COMMD1: variants seen among roughly 807,000 people sequenced by gnomAD.
The protein encoded by COMMD1 is COMM domain-containing protein 1.
COMMD1 carries 10 observed loss-of-function variants against 17.2 expected under a neutral mutation model. That is an observed-to-expected ratio of 0.58 (90% confidence interval 0.36 to 0.99). The LOEUF is 0.99. Among genes scored for constraint, COMMD1 ranks in the 50% least tolerant of loss-of-function variants. COMMD1 has a pLI of 0.01. For synonymous variants in COMMD1, 97 were observed against 91.6 expected (o/e 1.06, Z -0.34); for missense variants, 270 against 231.8 (o/e 1.17, Z -1.07).
intron 2 of COMMD1, among the ~76,000 whole-genome samples, chr2:62,077,472 A>G (rs1671377896): frequency 6.6e-6 from 1 of 152,154 alleles, no homozygotes; most frequent in Non-Finnish European, 1.5e-5. Context: ...AGAGTCTGCC[A>G]ACCAAACAGC....
intron 1 of COMMD1, among the ~76,000 whole-genome samples, chr2:61,941,481 T>C (rs1319256046): frequency 2.0e-5 from 3 of 152,182 alleles, no homozygotes; most frequent in Non-Finnish European, 4.4e-5. Context: ...TATGGACATA[T>C]TAGGTAGGAG....
intron 1 of COMMD1, among the ~76,000 whole-genome samples, chr2:61,999,654 C>T (rs1412542691): frequency 2.0e-5 from 3 of 151,970 alleles, no homozygotes; most frequent in Admixed American, 1.3e-4. Context: ...GACTCGAACT[C>T]CTGGGCTCCA....
chr2:61,900,278 A>G (rs1049061459), intron 1 of COMMD1, among the ~76,000 whole-genome samples: 1 of 152,250 alleles, frequency 6.6e-6, no homozygotes, highest in African/African-American at 2.4e-5. Flanking sequence ...AAGTCAGGAT[A>G]TGCTGAAGTG....
chr2:62,133,894 C>T (rs1174919605), intron 2 of COMMD1, among the ~76,000 whole-genome samples: 1 of 152,146 alleles, frequency 6.6e-6, no homozygotes, highest in Non-Finnish European at 1.5e-5. Flanking sequence ...TGGGTTCAAG[C>T]AATCCTCCCA....
At chr2:61,989,121 G>T (rs1293572514) in intron 1 of COMMD1, among the ~76,000 whole-genome samples, 1 of 152,120 alleles carries the variant, frequency 6.6e-6, no homozygotes, top group African/African-American at 2.4e-5. Flanking sequence ...CTGATTTTTG[G>T]TTCTTGTGAA....
chr2:61,906,000 G>A lies in COMMD1; in HGVS notation c.180+142G>A. Reference sequence around the variant, plus strand: ...ACCTCCACTCCGTGGGCTCCACATCGGGCTCCTTCAGATTTGCTCGTTCTG... The same window carrying A: ...ACCTCCACTCCGTGGGCTCCACATCAGGCTCCTTCAGATTTGCTCGTTCTG... On this transcript the variant is annotated intron_variant, in intron 1 of 2. Coordinates refer to ENST00000311832, the MANE Select transcript of COMMD1 (RefSeq NM_152516.4). 3.7e-6 allele frequency: 3 copies of A among 804,578 alleles called. 1 individual carries two copies. Among genetic ancestry groups the A allele is most frequent in the East Asian group, 5.3e-5 (2 of 37,674 alleles). The allele number at this position is 804,578 out of a possible 1,614,324, so 49.8% of individuals were successfully genotyped here.
At chr2:61,983,806 A>G (rs2103759485) in intron 1 of COMMD1, among the ~76,000 whole-genome samples, 1 of 152,170 alleles carries the variant, frequency 6.6e-6, no homozygotes, top group African/African-American at 2.4e-5. Context: ...GATCTTTGGT[A>G]TAGTTTTCTA....
chr2:61,888,468 C>A, upstream of COMMD1: 1 of 1,611,998 alleles, frequency 6.2e-7, no homozygotes, highest in Non-Finnish European at 8.5e-7. Context: ...CCGGCAGCCC[C>A]GGCAGTCGCC....
intron 1 of COMMD1, among the ~76,000 whole-genome samples, chr2:61,968,248 C>T (rs570730480): frequency 2.2e-4 from 34 of 152,176 alleles, no homozygotes; most frequent in African/African-American, 7.9e-4. Flanking sequence ...AAGGTTGAAC[C>T]ATTTGAAATT....
At chr2:62,014,542 C>CTTTTTTTTTTTTTT (rs67886279) in intron 2 of COMMD1, among the ~76,000 whole-genome samples, 8 of 63,568 alleles carry the variant, frequency 1.3e-4, no homozygotes, top group African/African-American at 3.6e-4. Context: ...CCATTTTAAC[C>CTTTTTTTTTTTTTT]TTTTTTTTTT....
chr2:62,068,576 T>TG (rs1671116446), intron 2 of COMMD1, among the ~76,000 whole-genome samples: 1 of 151,366 alleles, frequency 6.6e-6, no homozygotes, highest in Non-Finnish European at 1.5e-5. Context: ...AGAATGCAAT[T>TG]GGGAAGGAAG....
chr2:61,982,546 T>C (rs1290914112), intron 1 of COMMD1, among the ~76,000 whole-genome samples: 1 of 152,204 alleles, frequency 6.6e-6, no homozygotes, highest in Non-Finnish European at 1.5e-5. Context: ...TAAGTGGGCA[T>C]ACTTGTGGTG....
intron 2 of COMMD1, among the ~76,000 whole-genome samples, chr2:62,104,359 C>T (rs1344206905): frequency 2.6e-5 from 4 of 151,886 alleles, no homozygotes; most frequent in East Asian, 1.9e-4. Context: ...ACAGGCCAGG[C>T]GCAGTGGCTC....
At chr2:62,105,487 A>G (rs1558601974) in intron 2 of COMMD1, among the ~76,000 whole-genome samples, 1 of 151,068 alleles carries the variant, frequency 6.6e-6, no homozygotes, top group South Asian at 2.1e-4. Flanking sequence ...TGAAACTTCA[A>G]TTTTTGAGAG....
chr2:62,052,925 T>C (rs1573120573), intron 2 of COMMD1, among the ~76,000 whole-genome samples: 1 of 152,008 alleles, frequency 6.6e-6, no homozygotes, highest in Non-Finnish European at 1.5e-5. Flanking sequence ...AAAAGTTAAC[T>C]GGGTGTGGTG....
chr2:61,906,933 A>T (rs1324571527), intron 1 of COMMD1, among the ~76,000 whole-genome samples: 1 of 152,164 alleles, frequency 6.6e-6, no homozygotes, highest in Non-Finnish European at 1.5e-5. Context: ...TTTTAAACTG[A>T]TTTTGCCTAC....
chr2:61,969,259 G>A (rs942427841), intron 1 of COMMD1: 3 of 153,172 alleles, frequency 2.0e-5, no homozygotes, highest in African/African-American at 7.3e-5. Context: ...TATTCTGCAG[G>A]CTATAGAAAT....
At chr2:61,939,460 C>T (rs570413527) in intron 1 of COMMD1, among the ~76,000 whole-genome samples, 3 of 150,286 alleles carry the variant, frequency 2.0e-5, no homozygotes, top group East Asian at 1.9e-4. Context: ...AGCAAGACTC[C>T]GTCTCAGAAA....
At chr2:62,032,333 C>T (rs937881854) in intron 2 of COMMD1, among the ~76,000 whole-genome samples, 2 of 152,092 alleles carry the variant, frequency 1.3e-5, no homozygotes, top group Admixed American at 6.5e-5. Context: ...CCCAGGTGGC[C>T]GAGATCTCCC....
Sources: gnomAD v4.1 joint callset for allele counts (sites outside exome capture counted in the v4.1 genomes callset) on GRCh38, gnomAD v4.1.1 for gene constraint, MANE v1.5 for transcripts, NCBI Gene and HGNC (gene_info 2026-07-23, HGNC 2026-07-21) for gene names.